Variants in ZNF385A observed in about 807,000 individuals in gnomAD.
The protein encoded by ZNF385A is hematopoietic zinc finger protein.
A neutral mutation model predicts 32.1 loss-of-function variants in ZNF385A; 14 were observed. The ratio of observed to expected loss-of-function variants is 0.44; its 90% confidence interval spans 0.29 to 0.68. The LOEUF (loss-of-function observed/expected upper bound fraction) is 0.68. ZNF385A is among the 30% of genes least tolerant of loss of function. The pLI, the probability that ZNF385A is intolerant of heterozygous loss-of-function variation, is 0.14. For synonymous variants in ZNF385A, 197 were observed against 202.7 expected (o/e 0.97, Z 0.24); for missense variants, 406 against 478.4 (o/e 0.85, Z 1.41).
chr12:54,386,817 T>A (rs1015631307), upstream of ZNF385A, among the ~76,000 whole-genome samples: 1 of 152,174 alleles, frequency 6.6e-6, no homozygotes, highest in African/African-American at 2.4e-5. Context: ...CAGAAAAAAA[T>A]TTGAGGCTAC....
At chr12:54,373,445 G>C (rs1334744613) in intron 3 of ZNF385A, among the ~76,000 whole-genome samples, 1 of 147,670 alleles carries the variant, frequency 6.8e-6, no homozygotes, top group East Asian at 2.0e-4. Context: ...ACTTGGAAAA[G>C]ACCTCAAAGA....
At chr12:54,374,841 G>A (rs1394665073) in intron 2 of ZNF385A, among the ~76,000 whole-genome samples, 1 of 152,182 alleles carries the variant, frequency 6.6e-6, no homozygotes, top group Admixed American at 6.5e-5. Context: ...AGGGTTGATA[G>A]ACAGGATGCC....
At chr12:54,391,160 G>GGT in intron 1 of ZNF385A, 1 of 1,436,952 alleles carries the variant, frequency 7.0e-7, no homozygotes, top group Non-Finnish European at 9.3e-7. Flanking sequence ...GCCGGGAGAT[G>GGT]GTGGAGGGGG....
intron 1 of ZNF385A, among the ~76,000 whole-genome samples, chr12:54,379,792 C>T (rs562145557): frequency 8.5e-4 from 129 of 152,342 alleles, no homozygotes; most frequent in African/African-American, 2.9e-3. Context: ...CGCCCGCCAC[C>T]TGCCGGAGAA....
intron 1 of ZNF385A, among the ~76,000 whole-genome samples, chr12:54,380,815 T>C (rs1955119931): frequency 6.6e-6 from 1 of 152,204 alleles, no homozygotes; most frequent in African/African-American, 2.4e-5. Context: ...ATTATGATTA[T>C]GTAATATGAT....
intron 1 of ZNF385A, among the ~76,000 whole-genome samples, chr12:54,376,198 G>A (rs1001888913): frequency 6.6e-6 from 1 of 152,136 alleles, no homozygotes; most frequent in Non-Finnish European, 1.5e-5. Flanking sequence ...TTTGCCCAAC[G>A]TCACACCATG....
At chr12:54,373,196 C>G (rs1954650752) in intron 3 of ZNF385A, among the ~76,000 whole-genome samples, 1 of 146,700 alleles carries the variant, frequency 6.8e-6, no homozygotes, top group Admixed American at 6.8e-5. Flanking sequence ...GGTTTCCAAG[C>G]TGGTAGTACA....
In ZNF385A at chr12:54,371,747, C is replaced by G. The variant is rs1040377117; in HGVS notation, c.362-32G>C. ...TTGGGGGAGAAACATGGGGATCACC[C>G]TAGATGGCTCTTGGAGAAGACTCTT... On this transcript the variant is annotated intron_variant, in intron 3 of 6. Transcript: ENST00000394313. The G allele has an allele frequency of 1.7e-5, 27 of 1,609,064 alleles. 1 individual carries two copies. The East Asian group carries it at 6.0e-4, about 36-fold the overall frequency.
chr12:54,377,379 C>T (rs1954903586), intron 1 of ZNF385A, among the ~76,000 whole-genome samples: 2 of 152,090 alleles, frequency 1.3e-5, no homozygotes, highest in Admixed American at 1.3e-4. Flanking sequence ...CTTTTTTTTA[C>T]CTCAGCTTCC....
Position 54,370,692 on chromosome 12 carries a change from G to A in ZNF385A, c.804C>T (p.Gly268=), listed in dbSNP as rs1299903865. The A allele has an allele frequency of 6.2e-7, 1 of 1,600,320 alleles. No individual in the cohort carries two copies. Residue 268 remains glycine (G), a synonymous_variant, in exon 6 of 7, where the codon GGC becomes GGT. Coordinates refer to ENST00000394313, the MANE Select transcript of ZNF385A (RefSeq NM_015481.3). The surrounding 1 kb of genome is among the most constrained non-coding windows in gnomAD (Gnocchi z 5.5). ...GTAGTGGGTTGGGCTTCCCGGCCAC[G>A]CCGTCTCGGTGCCGCCGGCTGGAGA... ...QHISSRRHRD[G]VAGKPNPLLS...
chr12:54,390,987 G>A (rs562387310), intron 1 of ZNF385A, among the ~76,000 whole-genome samples: 100 of 152,238 alleles, frequency 6.6e-4, no homozygotes, highest in African/African-American at 2.3e-3. Context: ...TATGGGGCGG[G>A]GGTCTCACTC....
chr12:54,370,248 GGTTGAGGTCA>G lies in ZNF385A; in HGVS notation c.1099_*7del. The G allele has an allele frequency of 6.9e-7, 1 of 1,449,198 alleles. No individual in the cohort carries two copies. Among genetic ancestry groups the G allele is most frequent in the Non-Finnish European group, 9.1e-7 (1 of 1,097,778 alleles). 89.8% of individuals were successfully genotyped at this position (1,449,198 alleles called of 1,614,324 possible). ...GGGGAGTTGAATGGGAGGGGTTCAG[GGTTGAGGTCA>G]GTACGGGGAGAAGAGGATGGGTCCG... On this transcript the variant is annotated stop_lost and 3_prime_UTR_variant, in exon 7 of 7. Transcript: ENST00000394313. The surrounding 1 kb of genome is among the most constrained non-coding windows in gnomAD (Gnocchi z 5.5).
At position 54,370,591 on chromosome 12, in the gene ZNF385A, C is replaced by T; in HGVS notation, c.870+35G>A. On this transcript the variant is annotated intron_variant, in intron 6 of 6. Transcript: ENST00000394313. This position sits in a 1 kb window ranked among gnomAD's most constrained non-coding sequence, Gnocchi z 5.5. ...TCCCTCTCTCCTCCCCGCCCGCGCC[C>T]TCCCACTGCTGAATTCCCAGCATCC... 6.4e-7 allele frequency: 1 copy of T among 1,571,388 alleles called. No homozygotes were observed. The highest frequency in any genetic ancestry group is 1.3e-5 in the African/African-American group (1 of 74,194).
Position 54,369,933 on chromosome 12 carries a change from A to C in ZNF385A, c.*323T>G. ...TGGCTTGTGAACCCCGTTTTGTGCTAGGTTTGGGGGGAAGGGCTGGATGGA... is the reference window on the plus strand; with the variant it reads ...TGGCTTGTGAACCCCGTTTTGTGCTCGGTTTGGGGGGAAGGGCTGGATGGA... On this transcript the variant is annotated 3_prime_UTR_variant, in exon 7 of 7. Transcript: ENST00000394313. The C allele has an allele frequency of 9.9e-5, 23 of 231,776 alleles. No individual in the cohort carries two copies. Among genetic ancestry groups the C allele is most frequent in the East Asian group, 1.6e-4 (2 of 12,508 alleles). The allele number at this position is 231,776 out of a possible 1,614,324, so 14.4% of individuals were successfully genotyped here.
chr12:54,379,455 T>C (rs1275426256), intron 1 of ZNF385A, among the ~76,000 whole-genome samples: 1 of 152,022 alleles, frequency 6.6e-6, no homozygotes, highest in Non-Finnish European at 1.5e-5. Flanking sequence ...CTGGGGCTCC[T>C]TCTTGGGTCC....
upstream of ZNF385A, among the ~76,000 whole-genome samples, chr12:54,388,046 A>AGTGTGTGTGTGTGTGTGT (rs10665764): frequency 5.0e-5 from 7 of 140,534 alleles, no homozygotes; most frequent in Non-Finnish European, 9.3e-5. Flanking sequence ...AGTGTGTGTA[A>AGTGTGTGTGTGTGTGTGT]GTGTGTGTGT....
At chr12:54,371,743 C>T (rs376643805) in intron 3 of ZNF385A, 28 bp from the exon 4 acceptor site, 1 of 1,610,386 alleles carries the variant, frequency 6.2e-7, no homozygotes, top group Non-Finnish European at 8.5e-7. Context: ...ACATGGGGAT[C>T]ACCCTAGATG....
Position 54,370,892 on chromosome 12 carries a change from C to T in ZNF385A, c.774+35G>A. 1 of 1,613,780 alleles carries T rather than the reference C, an allele frequency of 6.2e-7. No homozygotes were observed. Among genetic ancestry groups the T allele is most frequent in the Non-Finnish European group, 8.5e-7 (1 of 1,179,782 alleles). ...CCCCTTCCCCACTTAGCGGGTGGAGCGTCCCAGAATTCCTGGGAAGGGCCT... is the reference window on the plus strand; with the variant it reads ...CCCCTTCCCCACTTAGCGGGTGGAGTGTCCCAGAATTCCTGGGAAGGGCCT... On this transcript the variant is annotated intron_variant, in intron 5 of 6. Transcript: ENST00000394313. The surrounding 1 kb of genome is among the most constrained non-coding windows in gnomAD (Gnocchi z 5.5).
rs1439477549 is a variant in ZNF385A at position 54,378,985 on chromosome 12, G to A, written c.88-3031C>T. On this transcript the variant is annotated intron_variant, in intron 1 of 6. Transcript: ENST00000394313. ...GGCAGAGGGAGCGGTAGCCAGCCCC[G>A]CAGGGGCGGGCGGGGACGGGGTGGG... 32 of 900,772 alleles carry A rather than the reference G, an allele frequency of 3.6e-5. 1 individual carries two copies. The highest frequency in any genetic ancestry group is 4.3e-5 in the Non-Finnish European group (32 of 752,454). 55.8% of individuals were successfully genotyped at this position (900,772 alleles called of 1,614,324 possible).
Sources: allele counts gnomAD v4.1 joint callset (sites outside exome capture counted in the v4.1 genomes callset), GRCh38; gene constraint gnomAD v4.1.1; non-coding constraint Gnocchi (gnomAD v3.1); transcripts MANE v1.5; gene names NCBI Gene and HGNC (gene_info 2026-07-23, HGNC 2026-07-21).